CNTNAP4: variants seen among roughly 807,000 people sequenced by gnomAD.
The protein encoded by CNTNAP4 is contactin-associated protein-like 4.
CNTNAP4 carries 98 observed loss-of-function variants against 148.4 expected under a neutral mutation model. The ratio of observed to expected loss-of-function variants is 0.66; its 90% CI spans 0.56 to 0.78. The LOEUF (loss-of-function observed/expected upper bound fraction) is 0.78, where lower values mean the gene tolerates loss of function less well. Among genes scored for constraint, CNTNAP4 ranks in the 30% least tolerant of loss-of-function variants. The pLI, the probability that CNTNAP4 is intolerant of heterozygous loss-of-function variation, is 0.00. For missense variants in CNTNAP4, 1,935 were observed against 1,565.6 expected, an observed-to-expected ratio of 1.24 and a Z score of -3.98; for synonymous variants, 730 against 565.1, an observed-to-expected ratio of 1.29 and a Z score of -4.14.
At chr16:76,384,602 G>T (rs1198072448) in intron 3 of CNTNAP4, among the ~76,000 whole-genome samples, 1 of 152,074 alleles carries the variant, frequency 6.6e-6, no homozygotes, top group Non-Finnish European at 1.5e-5. Context: ...CTGATGAGTT[G>T]ATTAATCTCC....
intron 1 of CNTNAP4, among the ~76,000 whole-genome samples, chr16:76,305,945 C>G (rs902315395): frequency 1.3e-5 from 2 of 152,126 alleles, no homozygotes; most frequent in Non-Finnish European, 2.9e-5. Context: ...TTTACTTAAG[C>G]TTATGGCTTC....
At chr16:76,344,729 A>G (rs1205943119) in intron 2 of CNTNAP4, among the ~76,000 whole-genome samples, 1 of 152,252 alleles carries the variant, frequency 6.6e-6, no homozygotes, top group African/African-American at 2.4e-5. Context: ...TTTTCCGTGT[A>G]TGATCGTATA....
At chr16:76,330,083 C>T (rs2144237618) in intron 2 of CNTNAP4, among the ~76,000 whole-genome samples, 1 of 152,260 alleles carries the variant, frequency 6.6e-6, no homozygotes, top group Non-Finnish European at 1.5e-5. Flanking sequence ...TTGAATTTTC[C>T]AGCTGCCTGC....
chr16:76,538,881 A>G (rs947433699), intron 19 of CNTNAP4, among the ~76,000 whole-genome samples: 2 of 152,074 alleles, frequency 1.3e-5, no homozygotes, highest in African/African-American at 4.8e-5. Flanking sequence ...TCCTACAGAA[A>G]ACCATTTACT....
chr16:76,331,447 C>G (rs767691887), intron 2 of CNTNAP4, among the ~76,000 whole-genome samples: 48 of 151,344 alleles, frequency 3.2e-4, no homozygotes, highest in Admixed American at 7.2e-4. Context: ...CTCAGCATCC[C>G]AAAGTGCTGA....
At chr16:76,390,281 A>G (rs2016860524) in intron 3 of CNTNAP4, among the ~76,000 whole-genome samples, 1 of 152,210 alleles carries the variant, frequency 6.6e-6, no homozygotes, top group Non-Finnish European at 1.5e-5. Context: ...TTACTACAGT[A>G]ACTTATCTAT....
rs140664463 is a variant in CNTNAP4, at chr16:76,532,320, C to A, written c.2756-3225C>A. ...GTCTGAATCCTGCCTCTGCCTCTAA[C>A]GAAATGTGTTTATTCTAGTATTTCC... On this transcript the variant is annotated intron_variant, in intron 17 of 23. Coordinates refer to ENST00000611870, the MANE Select transcript of CNTNAP4 (RefSeq NM_033401.5). 6.6e-5 allele frequency among the ~76,000 whole-genome samples: 10 copies of A among 152,260 alleles called. No individual in the cohort carries two copies. In the South Asian group the frequency reaches 1.9e-3, roughly 28 times the overall value.
At chr16:76,511,524 C>T (rs1425596642) in intron 15 of CNTNAP4, among the ~76,000 whole-genome samples, 3 of 152,052 alleles carry the variant, frequency 2.0e-5, no homozygotes, top group Non-Finnish European at 2.9e-5. Context: ...ACATATAAAC[C>T]GTTAAAAAAA....
intron 3 of CNTNAP4, among the ~76,000 whole-genome samples, chr16:76,384,343 A>G (rs544551168): frequency 6.6e-6 from 1 of 152,094 alleles, no homozygotes; most frequent in South Asian, 2.1e-4. Flanking sequence ...CGCCCAGCCA[A>G]GTTCCCAGTC....
At chr16:76,459,189 A>G (rs1179890596) in intron 8 of CNTNAP4, among the ~76,000 whole-genome samples, 1 of 152,202 alleles carries the variant, frequency 6.6e-6, no homozygotes, top group Non-Finnish European at 1.5e-5. Context: ...CGTGACACAG[A>G]GAGTGTATAA....
chr16:76,380,830 A>G (rs1017079767), intron 3 of CNTNAP4, among the ~76,000 whole-genome samples: 7 of 152,170 alleles, frequency 4.6e-5, no homozygotes, highest in African/African-American at 7.2e-5. Flanking sequence ...GAAGTCATAT[A>G]TATAGGATGC....
chr16:76,409,769 C>T (rs969175802), intron 3 of CNTNAP4, among the ~76,000 whole-genome samples: 10 of 151,824 alleles, frequency 6.6e-5, no homozygotes, highest in African/African-American at 2.2e-4. Context: ...TATAGAGAGG[C>T]GTTGCTATTT....
At chr16:76,352,178 G>T (rs963925911) in intron 2 of CNTNAP4, among the ~76,000 whole-genome samples, 1 of 152,156 alleles carries the variant, frequency 6.6e-6, no homozygotes, top group East Asian at 1.9e-4. Flanking sequence ...GAGATATGCA[G>T]TTGTAGCAAT....
chr16:76,309,306 G>A (rs1960834960), intron 1 of CNTNAP4, among the ~76,000 whole-genome samples: 1 of 151,940 alleles, frequency 6.6e-6, no homozygotes, highest in Non-Finnish European at 1.5e-5. Context: ...ATCAAGCAGA[G>A]GCTGTTTATT....
intron 3 of CNTNAP4, among the ~76,000 whole-genome samples, chr16:76,408,766 A>G (rs1049086183): frequency 7.2e-5 from 11 of 152,018 alleles, no homozygotes; most frequent in African/African-American, 2.7e-4. Context: ...TTTAACAACA[A>G]CTTTCCAAAG....
At chr16:76,314,865 C>G (rs1458083480) in intron 1 of CNTNAP4, among the ~76,000 whole-genome samples, 1 of 152,098 alleles carries the variant, frequency 6.6e-6, no homozygotes, top group Non-Finnish European at 1.5e-5. Context: ...CTGCTTTTTT[C>G]TCAAGGTAAC....
chr16:76,305,475 G>A (rs1337210327), intron 1 of CNTNAP4, among the ~76,000 whole-genome samples: 4 of 152,014 alleles, frequency 2.6e-5, no homozygotes, highest in East Asian at 3.9e-4. Context: ...TGAGTGCTAC[G>A]TAATTTATTT....
chr16:76,452,406 T>G, intron 7 of CNTNAP4, 102 bp from the exon 8 acceptor site: 6 of 1,206,710 alleles, frequency 5.0e-6, no homozygotes, highest in Non-Finnish European at 7.1e-6. Context: ...GGCAGTTGTT[T>G]TAAATCGCGG....
chr16:76,403,000 A>C (rs1310420493), intron 3 of CNTNAP4, among the ~76,000 whole-genome samples: 2 of 152,196 alleles, frequency 1.3e-5, no homozygotes, highest in Non-Finnish European at 1.5e-5. Flanking sequence ...AGCAATGATA[A>C]CAACATATAT....
Sources: gnomAD v4.1 joint callset for allele counts (sites outside exome capture counted in the v4.1 genomes callset) on GRCh38, gnomAD v4.1.1 for gene constraint, MANE v1.5 for transcripts, NCBI Gene and HGNC (gene_info 2026-07-23, HGNC 2026-07-21) for gene names.